Variants in SHLD2 observed in about 807,000 individuals in gnomAD.
SHLD2 encodes the protein RINN1-REV7-interacting novel NHEJ regulator 2.
A neutral mutation model predicts 73.2 loss-of-function variants in SHLD2; 30 were observed. The observed-to-expected ratio is 0.41, with a 90% CI of 0.31 to 0.56. The LOEUF (loss-of-function observed/expected upper bound fraction) is 0.56. SHLD2 is among the 20% of genes least tolerant of loss of function. SHLD2 has a pLI of 0.28. For missense variants in SHLD2, 745 were observed against 1,055.9 expected (o/e 0.71, Z 4.08); for synonymous variants, 285 against 370.1 (o/e 0.77, Z 2.64).
At chr10:87,132,944 T>C (rs890314957) in intron 2 of SHLD2, among the ~76,000 whole-genome samples, 10 of 152,216 alleles carry the variant, frequency 6.6e-5, no homozygotes, top group African/African-American at 1.9e-4. Flanking sequence ...GTTAATCTTA[T>C]TCATTGTTGT....
intron 2 of SHLD2, among the ~76,000 whole-genome samples, chr10:87,115,047 T>C (rs568846089): frequency 3.0e-4 from 45 of 151,736 alleles, no homozygotes; most frequent in Non-Finnish European, 5.0e-4. Flanking sequence ...TTATAAGTCA[T>C]ATTTATTTAT....
chr10:87,158,164 C>T lies in SHLD2; in HGVS notation c.1633+9C>T. On this transcript the variant is annotated intron_variant, in intron 4 of 9. Coordinates refer to ENST00000298786, the MANE Select transcript of SHLD2 (RefSeq NM_001330112.2). ...TATTCAGCCTGAAGAATGTAAGGCACATTTTAAATGAAGTAATGTAGTAGT... is the reference window on the plus strand; with the variant it reads ...TATTCAGCCTGAAGAATGTAAGGCATATTTTAAATGAAGTAATGTAGTAGT... 1.2e-6 allele frequency: 2 copies of T among 1,608,700 alleles called. No individual in the cohort carries two copies. The highest frequency in any genetic ancestry group is 8.5e-7 in the Non-Finnish European group (1 of 1,178,028).
Position 87,153,703 on chromosome 10 carries a change from T to C in SHLD2, c.1525+824T>C, listed in dbSNP as rs566196611. ...CCCTGTTTTAGATTTTACATGCATATTTCATTACAACAAGTATATGAGGAA... is the reference window on the plus strand; with the variant it reads ...CCCTGTTTTAGATTTTACATGCATACTTCATTACAACAAGTATATGAGGAA... On this transcript the variant is annotated intron_variant, in intron 3 of 9. Transcript: ENST00000298786. Among the ~76,000 whole-genome samples the C allele has an allele frequency of 5.3e-5, 8 of 152,192 alleles. No homozygotes were observed. In the East Asian group the frequency reaches 1.5e-3, roughly 29 times the overall value.
At chr10:87,122,939 G>T (rs1194684816) in intron 2 of SHLD2, among the ~76,000 whole-genome samples, 1 of 151,960 alleles carries the variant, frequency 6.6e-6, no homozygotes, top group Non-Finnish European at 1.5e-5. Flanking sequence ...CACCACGCTC[G>T]GCTAATTTTT....
At chr10:87,153,542 C>T (rs966443646) in intron 3 of SHLD2, among the ~76,000 whole-genome samples, 2 of 152,056 alleles carry the variant, frequency 1.3e-5, no homozygotes, top group Non-Finnish European at 2.9e-5. Flanking sequence ...GGTATTATAC[C>T]AACTTCATAT....
At chr10:87,157,980 G>C in intron 3 of SHLD2, 68 bp from the exon 4 acceptor site, 2 of 1,383,816 alleles carry the variant, frequency 1.4e-6, no homozygotes, top group Non-Finnish European at 2.0e-6. Flanking sequence ...GTATTTTGTT[G>C]TGACTAGTAG....
At chr10:87,130,022 T>G (rs1250058884) in intron 2 of SHLD2, among the ~76,000 whole-genome samples, 6 of 152,038 alleles carry the variant, frequency 3.9e-5, no homozygotes, top group African/African-American at 1.4e-4. Context: ...ATTTTAAGTT[T>G]TTTTCTTCCC....
At chr10:87,167,185 A>G (rs1847261945) in intron 4 of SHLD2, among the ~76,000 whole-genome samples, 1 of 152,186 alleles carries the variant, frequency 6.6e-6, no homozygotes, top group Non-Finnish European at 1.5e-5. Context: ...TAAAACTCTT[A>G]TGACAAAATT....
rs574765122 is a variant in SHLD2 at position 87,177,144 on chromosome 10, A to G, written c.2170+1049A>G. 6.4e-3 allele frequency among the ~76,000 whole-genome samples: 978 copies of G among 152,078 alleles called. 8 individuals are homozygous for G. The highest frequency in any genetic ancestry group is 0.011 in the Non-Finnish European group (775 of 67,996). On this transcript the variant is annotated intron_variant, in intron 7 of 9. Coordinates refer to ENST00000298786, the MANE Select transcript of SHLD2 (RefSeq NM_001330112.2). The stretch of plus-strand genomic sequence containing the variant: ...TCTGCTTCTCCAACTTCACAGACAT[A>G]TAGAGGTGGTCACCACAGGAAGGAA...
intron 2 of SHLD2, among the ~76,000 whole-genome samples, chr10:87,143,866 T>TC (rs1348417547): frequency 1.8e-5 from 1 of 55,374 alleles, no homozygotes; most frequent in African/African-American, 5.1e-5. Flanking sequence ...TTCTTTCTTT[T>TC]TTTTTTTTTT....
intron 3 of SHLD2, among the ~76,000 whole-genome samples, chr10:87,157,338 T>C (rs9663780): frequency 6.6e-6 from 1 of 152,220 alleles, no homozygotes; most frequent in African/African-American, 2.4e-5. Flanking sequence ...TGTTAATATA[T>C]GTTTATACCT....
chr10:87,145,828 G>A lies in SHLD2; in HGVS notation c.-5-5522G>A, dbSNP rs186766161. ...GAGAAATTGTATAATTATTAACTGC[G>A]GTAATGGAGATGTACTTGCAAGTTT... On this transcript the variant is annotated intron_variant, in intron 2 of 9. Coordinates refer to ENST00000298786, the MANE Select transcript of SHLD2 (RefSeq NM_001330112.2). 1.1e-3 allele frequency among the ~76,000 whole-genome samples: 169 copies of A among 151,428 alleles called. 1 individual carries two copies. Among genetic ancestry groups the A allele is most frequent in the African/African-American group, 3.7e-3 (154 of 41,186 alleles).
chr10:87,169,086 A>T (rs941507380), intron 4 of SHLD2, among the ~76,000 whole-genome samples: 2 of 152,178 alleles, frequency 1.3e-5, no homozygotes, highest in African/African-American at 4.8e-5. Flanking sequence ...CTTTTTTTGG[A>T]ATCTAAATAA....
upstream of SHLD2, chr10:87,094,798 G>A (rs755763153): frequency 3.3e-6 from 5 of 1,510,642 alleles, no homozygotes; most frequent in African/African-American, 1.4e-5. This position sits in a 1 kb window ranked among gnomAD's most constrained non-coding sequence, Gnocchi z 6.6. Context: ...GGTGCGTGAT[G>A]GTCGCGAAAC....
intron 2 of SHLD2, among the ~76,000 whole-genome samples, chr10:87,149,079 AG>A (rs1243482323): frequency 6.6e-6 from 1 of 151,200 alleles, no homozygotes; most frequent in Non-Finnish European, 1.5e-5. Flanking sequence ...GTAGAGATGA[AG>A]TTTCGCCATG....
chr10:87,178,127 T>C (rs898776751), intron 7 of SHLD2, among the ~76,000 whole-genome samples: 1 of 147,918 alleles, frequency 6.8e-6, no homozygotes, highest in African/African-American at 2.5e-5. Context: ...TCCCAGCTAC[T>C]TGGGAGGCTG....
At chr10:87,095,271 TCAGGGGGGTTGGGGGTAGCC>T (rs1294544365) in intron 1 of SHLD2, 23 bp downstream of exon 1, 1 of 125,448 alleles carries the variant, frequency 8.0e-6, no homozygotes, top group African/African-American at 3.1e-5. Flanking sequence ...CGGGGGTCCC[TCAGGGGGGTTGGGGGTAGCC>T]CAGGGAGGTC....
intron 2 of SHLD2, among the ~76,000 whole-genome samples, chr10:87,116,580 G>C (rs187774501): frequency 3.0e-5 from 4 of 135,316 alleles, no homozygotes; most frequent in Non-Finnish European, 6.2e-5. Context: ...TTCAGTGAAG[G>C]GGGGATAAGG....
chr10:87,191,378 T>C lies in SHLD2; in HGVS notation c.*695T>C, dbSNP rs1368024184. 3.2e-5 allele frequency: 5 copies of C among 154,614 alleles called. No homozygotes were observed. Among genetic ancestry groups the C allele is most frequent in the Non-Finnish European group, 7.2e-5 (5 of 69,570 alleles). 9.6% of individuals were successfully genotyped at this position (154,614 alleles called of 1,614,324 possible). A position where few individuals can be genotyped will look rare whatever the true frequency, so the allele number is the denominator to read the frequency against. Reference sequence around the variant, plus strand: ...AATGATAGTCATTAATGAGGAAGTATGGCGTGGTACTTATTCTGTAAGTTC... The same window carrying C: ...AATGATAGTCATTAATGAGGAAGTACGGCGTGGTACTTATTCTGTAAGTTC... On this transcript the variant is annotated 3_prime_UTR_variant, in exon 10 of 10. Transcript: ENST00000298786.
Sources: gnomAD v4.1 joint callset for allele counts (sites outside exome capture counted in the v4.1 genomes callset) on GRCh38, gnomAD v4.1.1 for gene constraint, Gnocchi (gnomAD v3.1) non-coding constraint, MANE v1.5 for transcripts, NCBI Gene and HGNC (gene_info 2026-07-23, HGNC 2026-07-21) for gene names.